Variants in DNAH12 observed in about 807,000 individuals in gnomAD.
DNAH12 encodes axonemal beta dynein heavy chain 12.
A neutral mutation model predicts 371.5 loss-of-function variants in DNAH12; 285 were observed. That is an observed-to-expected ratio of 0.77 (90% CI 0.70 to 0.85). DNAH12 has a LOEUF of 0.85. Ranked by LOEUF, DNAH12 falls within the 40% of genes least tolerant of loss-of-function variation. The pLI, the probability that DNAH12 is intolerant of heterozygous loss-of-function variation, is 0.00. For missense variants in DNAH12, 3,611 were observed against 3,689.4 expected (o/e 0.98, Z 0.55); for synonymous variants, 1,200 against 1,213.0 (o/e 0.99, Z 0.22).
intron 9 of DNAH12, among the ~76,000 whole-genome samples, chr3:57,503,662 C>T (rs963394554): frequency 6.6e-6 from 1 of 152,174 alleles, no homozygotes; most frequent in South Asian, 2.1e-4. Flanking sequence ...GCTGGGATTA[C>T]AGGCGTGAGG....
intron 62 of DNAH12, among the ~76,000 whole-genome samples, chr3:57,334,246 C>G (rs1490886972): frequency 6.6e-6 from 1 of 152,212 alleles, no homozygotes; most frequent in East Asian, 1.9e-4. Flanking sequence ...CAACTGAAAT[C>G]CTGGGTGGGG....
At chr3:57,327,255 C>T (rs2061971936) in intron 62 of DNAH12, among the ~76,000 whole-genome samples, 1 of 152,032 alleles carries the variant, frequency 6.6e-6, no homozygotes, top group African/African-American at 2.4e-5. Context: ...ACAGAATATA[C>T]ATTTTTTTCA....
At chr3:57,314,127 G>A (rs2061637400) in intron 66 of DNAH12, among the ~76,000 whole-genome samples, 1 of 152,208 alleles carries the variant, frequency 6.6e-6, no homozygotes, top group East Asian at 1.9e-4. Context: ...GTGGAGGAAA[G>A]TAGAGGATAG....
At chr3:57,438,918 C>CCAAAAAAAAAA (rs562343761) in intron 29 of DNAH12, among the ~76,000 whole-genome samples, 8 of 94,528 alleles carry the variant, frequency 8.5e-5, no homozygotes, top group African/African-American at 2.8e-4. Flanking sequence ...CTGTCTCAGA[C>CCAAAAAAAAAA]AAAAAAAAAA....
At chr3:57,444,132 C>G (rs1435800979) in intron 29 of DNAH12, among the ~76,000 whole-genome samples, 2 of 151,894 alleles carry the variant, frequency 1.3e-5, no homozygotes, top group Admixed American at 1.3e-4. Flanking sequence ...ACCTGGGAGG[C>G]AGAGCTTGCA....
intron 62 of DNAH12, among the ~76,000 whole-genome samples, chr3:57,333,788 C>T (rs532841882): frequency 1.3e-5 from 2 of 152,256 alleles, no homozygotes; most frequent in Non-Finnish European, 2.9e-5. Flanking sequence ...AACTCATCAA[C>T]AATGTGATAT....
intron 32 of DNAH12, 36 bp downstream of exon 32, chr3:57,433,331 A>G (rs2065012218): frequency 6.5e-7 from 1 of 1,532,994 alleles, no homozygotes; most frequent in Non-Finnish European, 8.8e-7. Context: ...TTGCTTAATC[A>G]TGGCTGAATC....
At chr3:57,460,466 C>T (rs2066024095) in intron 19 of DNAH12, among the ~76,000 whole-genome samples, 1 of 152,108 alleles carries the variant, frequency 6.6e-6, no homozygotes, top group African/African-American at 2.4e-5. Flanking sequence ...AAATATGTGC[C>T]TAAGGTCTAT....
intron 60 of DNAH12, among the ~76,000 whole-genome samples, chr3:57,338,381 G>A (rs2062286104): frequency 6.6e-6 from 1 of 152,104 alleles, no homozygotes; most frequent in Admixed American, 6.5e-5. Flanking sequence ...GATGTGAGGA[G>A]CGCCTCTGCC....
At position 57,457,846 on chromosome 3, in the gene DNAH12, C is replaced by T. The variant is rs1258178074; in HGVS notation, c.3211G>A (p.Glu1071Lys). ...DIKAMYSSEG[E>K]RVELIALIST... ...ATGAGTGCAATCAGCTCCACTCGCT[C>T]GCCCTCAGAGCTATACATGGCTTTA... The change falls in exon 22 of 74, where the codon GAG (glutamate) becomes AAG (lysine). Residue 1071 changes from glutamate (E) to lysine (K), a missense_variant. Coordinates refer to ENST00000495027, the MANE Select transcript of DNAH12 (RefSeq NM_001366028.2). The T allele has an allele frequency of 1.1e-5, 17 of 1,551,448 alleles. No homozygotes were observed. Among genetic ancestry groups the T allele is most frequent in the Admixed American group, 2.0e-5 (1 of 50,960 alleles).
intron 2 of DNAH12, among the ~76,000 whole-genome samples, chr3:57,528,451 C>T (rs935673426): frequency 9.9e-5 from 15 of 151,172 alleles, no homozygotes; most frequent in Admixed American, 1.3e-4. Flanking sequence ...CTGGGCCAGG[C>T]GCGGTGGCTC....
intron 60 of DNAH12, among the ~76,000 whole-genome samples, chr3:57,350,672 T>C (rs2062651706): frequency 6.6e-6 from 1 of 152,114 alleles, no homozygotes; most frequent in Non-Finnish European, 1.5e-5. Flanking sequence ...AATTAAGAAC[T>C]TGTGCTCAGC....
At chr3:57,442,358 T>A (rs2065335129) in intron 29 of DNAH12, among the ~76,000 whole-genome samples, 1 of 151,088 alleles carries the variant, frequency 6.6e-6, no homozygotes, top group Non-Finnish European at 1.5e-5. Flanking sequence ...TATATAGAAG[T>A]AAAATATATG....
intron 25 of DNAH12, among the ~76,000 whole-genome samples, chr3:57,448,607 CCCGA>C (rs2065625337): frequency 6.6e-6 from 1 of 152,206 alleles, no homozygotes; most frequent in Non-Finnish European, 1.5e-5. Context: ...TGGAATAGAA[CCCGA>C]CCATGTTGCC....
At chr3:57,366,040 A>G (rs2063045400) in intron 57 of DNAH12, among the ~76,000 whole-genome samples, 1 of 152,180 alleles carries the variant, frequency 6.6e-6, no homozygotes, top group Non-Finnish European at 1.5e-5. Context: ...ACTGGATTGC[A>G]TTCCCAAACG....
At chr3:57,447,167 G>A (rs1456443682) in intron 25 of DNAH12, among the ~76,000 whole-genome samples, 2 of 152,134 alleles carry the variant, frequency 1.3e-5, no homozygotes, top group Non-Finnish European at 2.9e-5. Flanking sequence ...TTTACTCTTG[G>A]TATGTTCTCC....
chr3:57,303,154 A>C (rs932879493), intron 69 of DNAH12, among the ~76,000 whole-genome samples: 1 of 151,422 alleles, frequency 6.6e-6, no homozygotes, highest in Non-Finnish European at 1.5e-5. Context: ...CCTGGCTAAC[A>C]TGGTGAAACC....
chr3:57,534,747 G>A (rs2153401373), intron 2 of DNAH12, among the ~76,000 whole-genome samples: 1 of 152,192 alleles, frequency 6.6e-6, no homozygotes, highest in East Asian at 1.9e-4. Flanking sequence ...GACCTCTGGT[G>A]ATCCACCCGC....
rs185024252 is a variant in DNAH12, at chr3:57,337,382, G to T, written c.9675-2442C>A. Among the ~76,000 whole-genome samples, 424 of 149,582 alleles carry T rather than the reference G, an allele frequency of 2.8e-3. 1 individual carries two copies. Among genetic ancestry groups the T allele is most frequent in the African/African-American group, 1.0e-2 (406 of 40,692 alleles). On this transcript the variant is annotated intron_variant, in intron 60 of 73. Transcript: ENST00000495027. ...TTGTAAAAGAGAGAACTTTTCAGCT[G>T]GGCACGGTGGCTCACGCCTGTAATC...
Sources: gnomAD v4.1 joint callset for allele counts (sites outside exome capture counted in the v4.1 genomes callset) on GRCh38, gnomAD v4.1.1 for gene constraint, MANE v1.5 for transcripts, NCBI Gene and HGNC (gene_info 2026-07-23, HGNC 2026-07-21) for gene names.